PTPN2: variants seen among roughly 807,000 people sequenced by gnomAD.
PTPN2 encodes protein tyrosine phosphatase non-receptor type 2, also known as tyrosine-protein phosphatase non-receptor type 2.
PTPN2 carries 19 observed loss-of-function variants against 57.3 expected under a neutral mutation model. That is an observed-to-expected ratio of 0.33 (90% confidence interval 0.23 to 0.49). The LOEUF (loss-of-function observed/expected upper bound fraction) is 0.49, where lower values mean the gene tolerates loss of function less well. PTPN2 is among the 20% of genes least tolerant of loss of function. The pLI is 0.99. For synonymous variants in PTPN2, 153 were observed against 164.9 expected (o/e 0.93, Z 0.55); for missense variants, 358 against 501.1 (o/e 0.71, Z 2.73).
chr18:12,849,992 T>C (rs186917588), intron 2 of PTPN2, among the ~76,000 whole-genome samples: 1 of 152,306 alleles, frequency 6.6e-6, no homozygotes, highest in East Asian at 1.9e-4. Flanking sequence ...ACCTTCTTTC[T>C]TTCTTGTTTG....
intron 2 of PTPN2, among the ~76,000 whole-genome samples, chr18:12,838,672 GGTGAATTTTCTCAGGAAAA>G (rs1385113194): frequency 1.3e-5 from 2 of 152,188 alleles, no homozygotes; most frequent in South Asian, 2.1e-4. Context: ...GCAAAGGAAC[GGTGAATTTTCTCAGGAAAA>G]TTTTTTTTTA....
rs1228427261 is a variant in PTPN2, at chr18:12,802,155, G to A, written c.859-4C>T. ...TAGAAAGTTCTTTCCATCGTTTCTA[G>A]GTAGGGAAGAGAAATGAAAAACAAA... On this transcript the variant is annotated splice_polypyrimidine_tract_variant and splice_region_variant and intron_variant, in intron 7 of 8. Coordinates refer to ENST00000309660, the MANE Select transcript of PTPN2 (RefSeq NM_002828.4). The A allele has an allele frequency of 6.3e-7, 1 of 1,577,564 alleles. No individual in the cohort carries two copies. Among genetic ancestry groups the A allele is most frequent in the Non-Finnish European group, 8.6e-7 (1 of 1,165,990 alleles).
At chr18:12,837,338 A>T (rs976375519) in intron 2 of PTPN2, among the ~76,000 whole-genome samples, 1 of 152,144 alleles carries the variant, frequency 6.6e-6, no homozygotes, top group Non-Finnish European at 1.5e-5. Context: ...TAAGAATTCC[A>T]CTATATTTAA....
In PTPN2 at chr18:12,824,398, A is replaced by T. The variant is rs1004324702; in HGVS notation, c.495+1412T>A. 2.0e-5 allele frequency among the ~76,000 whole-genome samples: 3 copies of T among 151,532 alleles called. 1 individual carries two copies. The South Asian group carries it at 6.2e-4, about 31-fold the overall frequency. ...GCAAAAAACACAAGTGTTTCAAGGG[A>T]TCCACCATAAAAGGGACTGCCACAC... On this transcript the variant is annotated intron_variant, in intron 5 of 8. Coordinates refer to ENST00000309660, the MANE Select transcript of PTPN2 (RefSeq NM_002828.4).
intron 1 of PTPN2, among the ~76,000 whole-genome samples, chr18:12,860,489 C>T (rs745521560): frequency 1.2e-4 from 18 of 152,100 alleles, no homozygotes; most frequent in Non-Finnish European, 1.9e-4. Flanking sequence ...CCCAGCTACT[C>T]GGGAGGCTGA....
Position 12,835,382 on chromosome 18 carries a change from C to CTTTTTTTTTTTTTTTTTTTTTTT in PTPN2, c.261+1408_261+1409insAAAAAAAAAAAAAAAAAAAAAAA, listed in dbSNP as rs60239177. Among the ~76,000 whole-genome samples the CTTTTTTTTTTTTTTTTTTTTTTT allele has an allele frequency of 3.6e-4, 36 of 99,012 alleles. 4 individuals carry two copies. The highest frequency in any genetic ancestry group is 1.4e-3 in the African/African-American group (34 of 23,904). 65.0% of individuals were successfully genotyped at this position (99,012 alleles called of 152,430 possible). Reference sequence around the variant, plus strand: ...CTGCAATGAACATGATCACATATGTCTTTTTTTTTTTTTTGGACAGTTTTG... The same window carrying CTTTTTTTTTTTTTTTTTTTTTTT: ...CTGCAATGAACATGATCACATATGTCTTTTTTTTTTTTTTTTTTTTTTTTTTTTTTTTTTTTTGGACAGTTTTG... On this transcript the variant is annotated intron_variant, in intron 3 of 8. Coordinates refer to ENST00000309660, the MANE Select transcript of PTPN2 (RefSeq NM_002828.4).
intron 2 of PTPN2, among the ~76,000 whole-genome samples, chr18:12,854,743 GAGA>G (rs1432482213): frequency 6.6e-6 from 1 of 152,194 alleles, no homozygotes; most frequent in Non-Finnish European, 1.5e-5. Context: ...GTGTTACAGT[GAGA>G]AGGAGAGAGA....
At chr18:12,794,706 C>T (rs2041101487) in intron 8 of PTPN2, among the ~76,000 whole-genome samples, 1 of 152,204 alleles carries the variant, frequency 6.6e-6, no homozygotes, top group South Asian at 2.1e-4. Flanking sequence ...ACTGCAACCT[C>T]TGCCTCCCAC....
intron 1 of PTPN2, among the ~76,000 whole-genome samples, chr18:12,871,537 A>T (rs2044268859): frequency 6.7e-6 from 1 of 149,248 alleles, no homozygotes; most frequent in East Asian, 2.0e-4. Context: ...AATATTTAAA[A>T]TTTTTTATCT....
intron 1 of PTPN2, among the ~76,000 whole-genome samples, chr18:12,881,392 G>A (rs2044663757): frequency 6.6e-6 from 1 of 152,040 alleles, no homozygotes; most frequent in South Asian, 2.1e-4. Flanking sequence ...AGCTGACGTC[G>A]CACCACTGCA....
intron 1 of PTPN2, among the ~76,000 whole-genome samples, chr18:12,868,776 T>G: frequency 6.6e-6 from 1 of 150,988 alleles, no homozygotes; most frequent in East Asian, 2.1e-4. Flanking sequence ...GTGCTGGGAT[T>G]ACAGGCGTGA....
Position 12,817,059 on chromosome 18 carries a change from GT to G in PTPN2, c.705+96del. On this transcript the variant is annotated intron_variant, in intron 6 of 8. Transcript: ENST00000309660. ...TAGAAGTTTAAGTTGAAAAACCTCAGTTCTGGGATACAGCATCAGAGTTTAT... is the reference window on the plus strand; with the variant it reads ...TAGAAGTTTAAGTTGAAAAACCTCAGTCTGGGATACAGCATCAGAGTTTAT... 3 of 1,200,640 alleles carry G rather than the reference GT, an allele frequency of 2.5e-6. No homozygotes were observed. In the South Asian group the frequency reaches 4.3e-5, roughly 17 times the overall value. The allele number at this position is 1,200,640 out of a possible 1,614,324, so 74.4% of individuals were successfully genotyped here.
At chr18:12,883,826 C>G (rs2044754001) in intron 1 of PTPN2, 1 of 369,984 alleles carries the variant, frequency 2.7e-6, no homozygotes, top group Non-Finnish European at 4.9e-6. Context: ...CCCTCCAGAA[C>G]TAACTGCGCT....
Position 12,884,172 on chromosome 18 carries a change from C to G in PTPN2, c.-31G>C. ...CGGGAGCGAGCTGGCGCGAGCAGAG[C>G]CTGCGCCGGCGGAGAGGCTCAGGCC... On this transcript the variant is annotated 5_prime_UTR_variant, in exon 1 of 9. Transcript: ENST00000309660. The G allele has an allele frequency of 6.4e-7, 1 of 1,553,720 alleles. No homozygotes were observed. Among genetic ancestry groups the G allele is most frequent in the Non-Finnish European group, 8.7e-7 (1 of 1,151,072 alleles).
intron 1 of PTPN2, among the ~76,000 whole-genome samples, chr18:12,881,759 G>GA (rs1278182025): frequency 6.6e-6 from 1 of 152,026 alleles, no homozygotes; most frequent in Non-Finnish European, 1.5e-5. Flanking sequence ...CCCTTTTTGG[G>GA]AAATACAGGA....
At chr18:12,840,725 A>C in intron 2 of PTPN2, 1 of 1,598,452 alleles carries the variant, frequency 6.3e-7, no homozygotes, top group Non-Finnish European at 8.5e-7. Flanking sequence ...TATTTCCTGC[A>C]TTCTGCATTC....
chr18:12,852,138 A>G lies in PTPN2; in HGVS notation c.160+7026T>C, dbSNP rs183589221. Among the ~76,000 whole-genome samples the G allele has an allele frequency of 2.6e-5, 4 of 151,940 alleles. No individual in the cohort carries two copies. In the East Asian group the frequency reaches 7.7e-4, roughly 29 times the overall value. On this transcript the variant is annotated intron_variant, in intron 2 of 8. Transcript: ENST00000309660. The stretch of plus-strand genomic sequence containing the variant: ...ATCTATTGTACAACAATGTGCATAC[A>G]GTTAACAATACTGTTAATATACACC...
intron 2 of PTPN2, chr18:12,841,080 C>A: frequency 7.5e-6 from 8 of 1,063,370 alleles, no homozygotes; most frequent in Non-Finnish European, 1.0e-5. Context: ...TATATTAAGC[C>A]GTGACTCTGA....
intron 9 of PTPN2, chr18:12,785,951 G>T: frequency 3.1e-6 from 3 of 961,958 alleles, no homozygotes; most frequent in South Asian, 2.8e-5. Flanking sequence ...CTGAAAAGGT[G>T]ACCAAAAATC....
Sources: allele counts gnomAD v4.1 joint callset (sites outside exome capture counted in the v4.1 genomes callset), GRCh38; gene constraint gnomAD v4.1.1; transcripts MANE v1.5; gene names NCBI Gene and HGNC (gene_info 2026-07-23, HGNC 2026-07-21).